The following TAFA4 variants were observed in gnomAD, a reference collection of about 807,000 sequenced individuals.
TAFA4 encodes TAFA chemokine like family member 4.
In TAFA4, 20 loss-of-function variants were observed where a neutral mutation model predicts 21.1. The observed-to-expected ratio is 0.95, with a 90% CI of 0.67 to 1.38. TAFA4 has a LOEUF of 1.38. Ranked by LOEUF, TAFA4 falls within the 40% of genes most tolerant of loss-of-function variation. The pLI is 0.00. For synonymous variants in TAFA4, 71 were observed against 67.4 expected (o/e 1.05, Z -0.26); for missense variants, 211 against 180.9 (o/e 1.17, Z -0.95).
intron 1 of TAFA4, among the ~76,000 whole-genome samples, chr3:68,889,565 T>C (rs1284813067): frequency 1.3e-5 from 2 of 152,154 alleles, no homozygotes; most frequent in Non-Finnish European, 2.9e-5. Flanking sequence ...TACACCCACC[T>C]CACTCCACAT....
At chr3:68,907,917 G>A (rs1015512285) in intron 1 of TAFA4, among the ~76,000 whole-genome samples, 1 of 152,190 alleles carries the variant, frequency 6.6e-6, no homozygotes, top group African/African-American at 2.4e-5. Flanking sequence ...TAACAAGGGG[G>A]ACAGGGTGAA....
At chr3:68,779,774 G>A (rs138013463) in intron 3 of TAFA4, among the ~76,000 whole-genome samples, 291 of 152,324 alleles carry the variant, frequency 1.9e-3, no homozygotes, top group African/African-American at 6.5e-3. Context: ...TCTCTGCTAG[G>A]ACAGTGAAGA....
At chr3:68,829,616 C>T (rs1341620416) in intron 3 of TAFA4, among the ~76,000 whole-genome samples, 1 of 152,248 alleles carries the variant, frequency 6.6e-6, no homozygotes, top group African/African-American at 2.4e-5. Flanking sequence ...ATTTTCGCAT[C>T]GATGTTCATC....
chr3:68,741,224 TTGGAGAGTA>T (rs1336606903), intron 4 of TAFA4, among the ~76,000 whole-genome samples: 6 of 152,202 alleles, frequency 3.9e-5, no homozygotes, highest in African/African-American at 1.4e-4. Flanking sequence ...GTAGATTGCT[TTGGAGAGTA>T]TGGACATTTT....
chr3:68,887,383 C>T (rs1559554315), intron 1 of TAFA4, among the ~76,000 whole-genome samples: 1 of 152,120 alleles, frequency 6.6e-6, no homozygotes. Flanking sequence ...CAGCAGCTCT[C>T]TTGGGTTGGA....
At chr3:68,811,574 G>A (rs1419396857) in intron 3 of TAFA4, among the ~76,000 whole-genome samples, 1 of 152,212 alleles carries the variant, frequency 6.6e-6, no homozygotes, top group East Asian at 1.9e-4. Context: ...AAGGGTATCA[G>A]TGATGGAAGA....
chr3:68,821,710 C>T (rs1488209272), intron 3 of TAFA4, among the ~76,000 whole-genome samples: 1 of 152,032 alleles, frequency 6.6e-6, no homozygotes, highest in Non-Finnish European at 1.5e-5. Context: ...AACACCACTG[C>T]TACCCTGGAT....
intron 1 of TAFA4, among the ~76,000 whole-genome samples, chr3:68,904,619 G>T (rs2089880182): frequency 6.6e-6 from 1 of 152,258 alleles, no homozygotes; most frequent in African/African-American, 2.4e-5. Context: ...GCAGAGCCTG[G>T]GACAAGGACT....
chr3:68,833,248 T>C (rs1466598955), intron 3 of TAFA4, among the ~76,000 whole-genome samples: 3 of 152,186 alleles, frequency 2.0e-5, no homozygotes, highest in Non-Finnish European at 2.9e-5. Context: ...CAGTTGGAAA[T>C]GCAGAAATCA....
chr3:68,925,912 T>A lies in TAFA4; in HGVS notation c.-123+6328A>T, dbSNP rs565847140. ...TAAACAAAGCAGGACACAGATCATA[T>A]GATGTATGAACCCCGTTATTCAAAA... On this transcript the variant is annotated intron_variant, in intron 1 of 5. Coordinates refer to ENST00000295569, the MANE Select transcript of TAFA4 (RefSeq NM_182522.5). Among the ~76,000 whole-genome samples the A allele has an allele frequency of 6.0e-4, 92 of 152,230 alleles. No individual in the cohort carries two copies. The South Asian group carries it at 8.7e-3, about 14-fold the overall frequency.
chr3:68,747,447 A>G (rs1249751047), intron 4 of TAFA4, among the ~76,000 whole-genome samples: 2 of 152,098 alleles, frequency 1.3e-5, no homozygotes, highest in Non-Finnish European at 2.9e-5. Context: ...ATGGTTTTAT[A>G]AAGGGCAGTT....
At chr3:68,752,739 G>T in intron 4 of TAFA4, 124 bp downstream of exon 4, 2 of 1,101,686 alleles carry the variant, frequency 1.8e-6, no homozygotes, top group South Asian at 1.4e-5. Flanking sequence ...GTACATTTTT[G>T]GATTGACACT....
Position 68,932,519 on chromosome 3 carries a change from C to T in TAFA4, c.-402G>A, listed in dbSNP as rs570613773. On this transcript the variant is annotated 5_prime_UTR_variant, in exon 1 of 6. Transcript: ENST00000295569. ...AGCCGCGCGCGCAGTCGGTGCGCCC[C>T]GTCCAGGGCGGCGCGCAGCTAGCAG... is the stretch of plus-strand genomic sequence containing the variant. 2.0e-5 allele frequency: 3 copies of T among 152,246 alleles called. No homozygotes were observed. Among genetic ancestry groups the T allele is most frequent in the Admixed American group, 6.5e-5 (1 of 15,298 alleles). 9.4% of individuals were successfully genotyped at this position (152,246 alleles called of 1,614,324 possible). A position where few individuals can be genotyped will look rare whatever the true frequency, so the allele number is the denominator to read the frequency against.
intron 1 of TAFA4, among the ~76,000 whole-genome samples, chr3:68,915,739 C>T (rs748719821): frequency 5.3e-5 from 8 of 152,166 alleles, no homozygotes; most frequent in Non-Finnish European, 1.2e-4. Flanking sequence ...TATCCTTCCT[C>T]CTGTCTCCAT....
At chr3:68,887,839 A>C (rs1358459783) in intron 1 of TAFA4, among the ~76,000 whole-genome samples, 1 of 152,086 alleles carries the variant, frequency 6.6e-6, no homozygotes, top group Non-Finnish European at 1.5e-5. Flanking sequence ...AAATATCATC[A>C]GGGTAATTTT....
intron 3 of TAFA4, among the ~76,000 whole-genome samples, chr3:68,819,526 C>G (rs1326817702): frequency 6.6e-6 from 1 of 152,086 alleles, no homozygotes; most frequent in African/African-American, 2.4e-5. Context: ...GAAGAGACAA[C>G]TCATGGATTG....
At chr3:68,922,991 A>T (rs2090074555) in intron 1 of TAFA4, among the ~76,000 whole-genome samples, 1 of 152,114 alleles carries the variant, frequency 6.6e-6, no homozygotes, top group South Asian at 2.1e-4. Flanking sequence ...CATGGTTCTA[A>T]CCATTGCCAT....
intron 4 of TAFA4, among the ~76,000 whole-genome samples, chr3:68,752,162 G>A (rs1320684550): frequency 6.6e-6 from 1 of 152,120 alleles, no homozygotes; most frequent in Non-Finnish European, 1.5e-5. Context: ...CATTTTCAGG[G>A]AGGTTTCGTG....
chr3:68,865,270 T>C (rs1188597022), intron 3 of TAFA4, among the ~76,000 whole-genome samples: 6 of 152,072 alleles, frequency 3.9e-5, no homozygotes, highest in Admixed American at 3.9e-4. Flanking sequence ...ATTTTTTTTT[T>C]AATTTTTCTT....
Sources: allele counts gnomAD v4.1 joint callset (sites outside exome capture counted in the v4.1 genomes callset), GRCh38; gene constraint gnomAD v4.1.1; transcripts MANE v1.5; gene names NCBI Gene and HGNC (gene_info 2026-07-23, HGNC 2026-07-21).